Variants in ETS2 observed in about 807,000 individuals in gnomAD.
The protein encoded by ETS2 is ETS proto-oncogene 2, transcription factor.
In ETS2, 19 loss-of-function variants were observed where a neutral mutation model predicts 54.9. That is an observed-to-expected ratio of 0.35 (90% CI 0.24 to 0.51). The LOEUF (loss-of-function observed/expected upper bound fraction) is 0.51, where lower values mean the gene tolerates loss of function less well. Among genes scored for constraint, ETS2 ranks in the 20% least tolerant of loss-of-function variants. The pLI is 0.97. For missense variants in ETS2, 417 were observed against 593.0 expected (o/e 0.70, Z 3.08); for synonymous variants, 219 against 229.3 (o/e 0.95, Z 0.41).
chr21:38,817,225 A>G (rs2060939144), intron 6 of ETS2, 134 bp downstream of exon 6: 1 of 600,392 alleles, frequency 1.7e-6, no homozygotes, highest in Non-Finnish European at 3.0e-6. Flanking sequence ...GTGGGTGTTG[A>G]GCTATAAGCC....
At chr21:38,817,204 G>A in intron 6 of ETS2, 113 bp downstream of exon 6, 1 of 667,960 alleles carries the variant, frequency 1.5e-6, no homozygotes, top group Non-Finnish European at 2.6e-6. Flanking sequence ...TGTCTCTTAT[G>A]GTGGCCACAC....
intron 1 of ETS2, among the ~76,000 whole-genome samples, chr21:38,808,344 G>T (rs781148348): frequency 6.6e-6 from 1 of 152,194 alleles, no homozygotes; most frequent in Non-Finnish European, 1.5e-5. Flanking sequence ...CAATAGGAGA[G>T]ACTATTGATT....
chr21:38,805,578 G>A (rs2060888480), upstream of ETS2: 9 of 1,277,988 alleles, frequency 7.0e-6, no homozygotes, highest in South Asian at 1.2e-5. The surrounding 1 kb of genome is among the most constrained non-coding windows in gnomAD (Gnocchi z 5.2). Flanking sequence ...GCCAGCCGGC[G>A]AGGGACCCAG....
rs914100481 is a variant in ETS2 at position 38,812,372 on chromosome 21, G to A, written c.73-631G>A. 1.1e-4 allele frequency among the ~76,000 whole-genome samples: 17 copies of A among 152,250 alleles called. No individual in the cohort carries two copies. In the East Asian group the frequency reaches 1.2e-3, roughly 10 times the overall value. Reference sequence around the variant, plus strand: ...TAAAGGGGTCTCTGAGGCTCCTCTCGACACCATTGTAAGATTCTGTTATTT... The same window carrying A: ...TAAAGGGGTCTCTGAGGCTCCTCTCAACACCATTGTAAGATTCTGTTATTT... On this transcript the variant is annotated intron_variant, in intron 2 of 9. Transcript: ENST00000360938.
At position 38,824,657 on chromosome 21, in the gene ETS2, G is replaced by A. The variant is rs2060972079; in HGVS notation, c.*1768G>A. On this transcript the variant is annotated 3_prime_UTR_variant, in exon 10 of 10. Transcript: ENST00000360938. ...TAAGCACAGGATGTTTTTCTCAAGA[G>A]GGATGTATTTATCACTTGGACATCT... is the stretch of plus-strand genomic sequence containing the variant. 1 of 152,566 alleles carries A rather than the reference G, an allele frequency of 6.6e-6. No individual in the cohort carries two copies. Among genetic ancestry groups the A allele is most frequent in the African/African-American group, 2.4e-5 (1 of 41,442 alleles). The allele number at this position is 152,566 out of a possible 1,614,324, so 9.5% of individuals were successfully genotyped here.
intron 5 of ETS2, among the ~76,000 whole-genome samples, chr21:38,815,188 G>T (rs1054553937): frequency 1.2e-5 from 1 of 80,158 alleles, no homozygotes; most frequent in Non-Finnish European, 3.3e-5. Context: ...GTGTGTGTGT[G>T]TGTGTGTGTG....
In ETS2 at chr21:38,819,612, G is replaced by T. The variant is rs1470671288; in HGVS notation, c.921G>T (p.Arg307=). Residue 307 remains arginine, a synonymous_variant, in exon 8 of 10, where the codon CGG becomes CGT. Transcript: ENST00000360938. ...AGTCGTCCTTGCTGGATGTGCAACG[G>T]GTTCCTTCCTTCGAGAGCTTCGAAG... The part of the protein sequence containing the change: ...NSQSSLLDVQ[R]VPSFESFEDD... The T allele has an allele frequency of 1.9e-6, 3 of 1,614,182 alleles. No individual in the cohort carries two copies. The highest frequency in any genetic ancestry group is 2.5e-6 in the Non-Finnish European group (3 of 1,180,032).
Position 38,823,970 on chromosome 21 carries a change from T to A in ETS2, c.*1081T>A, listed in dbSNP as rs968152353. 4 of 152,662 alleles carry A rather than the reference T, an allele frequency of 2.6e-5. No individual in the cohort carries two copies. Among genetic ancestry groups the A allele is most frequent in the African/African-American group, 9.6e-5 (4 of 41,458 alleles). The allele number at this position is 152,662 out of a possible 1,614,324, so 9.5% of individuals were successfully genotyped here. On this transcript the variant is annotated 3_prime_UTR_variant, in exon 10 of 10. Coordinates refer to ENST00000360938, the MANE Select transcript of ETS2 (RefSeq NM_005239.6). ...CTGTGTGATTAAAATAAGAATATTA[T>A]TTTTGGAAATATGCAACTCCTTTTC...
At chr21:38,815,682 G>A (rs1010376545) in intron 5 of ETS2, among the ~76,000 whole-genome samples, 8 of 151,684 alleles carry the variant, frequency 5.3e-5, no homozygotes, top group African/African-American at 1.9e-4. Flanking sequence ...TGTAATCCCA[G>A]CACTTTGGGA....
rs548229218 is a variant in ETS2 at position 38,824,704 on chromosome 21, G to A, written c.*1815G>A. The A allele has an allele frequency of 6.5e-6, 1 of 152,730 alleles. No individual in the cohort carries two copies. Among genetic ancestry groups the A allele is most frequent in the South Asian group, 2.1e-4 (1 of 4,824 alleles). 9.5% of individuals were successfully genotyped at this position (152,730 alleles called of 1,614,324 possible). A position where few individuals can be genotyped will look rare whatever the true frequency, so the allele number is the denominator to read the frequency against. On this transcript the variant is annotated 3_prime_UTR_variant, in exon 10 of 10. Coordinates refer to ENST00000360938, the MANE Select transcript of ETS2 (RefSeq NM_005239.6). ...ATCTGTTTATAATATAAACAGACAT[G>A]TGACTGGGAACATCTTGCTGCCAAA...
At chr21:38,816,318 T>C (rs2060935438) in intron 5 of ETS2, among the ~76,000 whole-genome samples, 1 of 151,984 alleles carries the variant, frequency 6.6e-6, no homozygotes. Flanking sequence ...GGAAACTCAT[T>C]TTTAAAGACC....
intron 1 of ETS2, among the ~76,000 whole-genome samples, chr21:38,808,586 GTGTA>G (rs1010439228): frequency 3.9e-5 from 5 of 128,042 alleles, no homozygotes; most frequent in African/African-American, 6.1e-5. Context: ...AGGGGTGTGT[GTGTA>G]TGTGTGTGTG....
chr21:38,816,379 C>G (rs1317231841), intron 5 of ETS2, among the ~76,000 whole-genome samples: 1 of 152,036 alleles, frequency 6.6e-6, no homozygotes, highest in Non-Finnish European at 1.5e-5. Context: ...TTCTGGTGAT[C>G]TGTTTATTGG....
In ETS2 at chr21:38,806,553, G is replaced by T; in HGVS notation, c.-1+433G>T. Reference sequence around the variant, plus strand: ...AGGAGAGCGTGTCCGAGGTGGCCTGGCGCCCCGGCTTTGAGGGTGACTTCC... The same window carrying T: ...AGGAGAGCGTGTCCGAGGTGGCCTGTCGCCCCGGCTTTGAGGGTGACTTCC... On this transcript the variant is annotated intron_variant, in intron 1 of 9. Coordinates refer to ENST00000360938, the MANE Select transcript of ETS2 (RefSeq NM_005239.6). The surrounding 1 kb of genome is among the most constrained non-coding windows in gnomAD (Gnocchi z 4.3). The T allele has an allele frequency of 1.0e-6, 1 of 985,506 alleles. No individual in the cohort carries two copies. Among genetic ancestry groups the T allele is most frequent in the African/African-American group, 1.7e-5 (1 of 57,364 alleles). 61.0% of individuals were successfully genotyped at this position (985,506 alleles called of 1,614,324 possible).
At chr21:38,805,591 G>A (rs1345531704), upstream of ETS2, 4 of 1,270,682 alleles carry the variant, frequency 3.1e-6, no homozygotes, top group African/African-American at 4.6e-5. This position sits in a 1 kb window ranked among gnomAD's most constrained non-coding sequence, Gnocchi z 5.2. Flanking sequence ...GGACCCAGCC[G>A]AGTGACAGCA....
upstream of ETS2, chr21:38,805,191 C>T: frequency 1.8e-6 from 1 of 556,476 alleles, no homozygotes; most frequent in Non-Finnish European, 2.7e-6. This position sits in a 1 kb window ranked among gnomAD's most constrained non-coding sequence, Gnocchi z 5.2. Context: ...GCGCCACTCC[C>T]GCGGAGCCTG....
intron 5 of ETS2, among the ~76,000 whole-genome samples, chr21:38,815,602 G>A (rs547480303): frequency 1.3e-5 from 2 of 151,962 alleles, no homozygotes; most frequent in South Asian, 4.1e-4. Flanking sequence ...ACTTAAAATA[G>A]CAGGGAGACC....
At chr21:38,816,957 GT>G (rs1601429650) in intron 5 of ETS2, 50 bp from the exon 6 acceptor site, 1 of 952,684 alleles carries the variant, frequency 1.0e-6, no homozygotes, top group African/African-American at 1.6e-5. Context: ...TTTGTTCTGT[GT>G]AGTTTTCACC....
chr21:38,816,709 C>A (rs1249738719), intron 5 of ETS2, among the ~76,000 whole-genome samples: 1 of 152,166 alleles, frequency 6.6e-6, no homozygotes, highest in Non-Finnish European at 1.5e-5. Context: ...TTAACTGTTT[C>A]TTGAATGCAT....
Sources: gnomAD v4.1 joint callset for allele counts (sites outside exome capture counted in the v4.1 genomes callset) on GRCh38, gnomAD v4.1.1 for gene constraint, Gnocchi (gnomAD v3.1) non-coding constraint, MANE v1.5 for transcripts, NCBI Gene and HGNC (gene_info 2026-07-23, HGNC 2026-07-21) for gene names.